NTM: variants seen among roughly 807,000 people sequenced by gnomAD.
NTM encodes neurotrimin.
Under a neutral mutation model 42.1 loss-of-function variants are expected in NTM, and 13 were observed. The ratio of observed to expected loss-of-function variants is 0.31; its 90% CI spans 0.20 to 0.49. NTM has a LOEUF of 0.49. NTM is among the 20% of genes least tolerant of loss of function. The pLI, the probability that NTM is intolerant of heterozygous loss-of-function variation, is 0.99. For synonymous variants in NTM, 187 were observed against 179.2 expected (o/e 1.04, Z -0.35); for missense variants, 373 against 452.8 (o/e 0.82, Z 1.60).
chr11:131,976,180 C>T (rs2064355864), intron 2 of NTM, among the ~76,000 whole-genome samples: 1 of 146,586 alleles, frequency 6.8e-6, no homozygotes, highest in South Asian at 2.3e-4. Flanking sequence ...TCCTTTCTTC[C>T]TTTCTTCTTC....
chr11:132,280,598 G>A (rs1206860737), intron 4 of NTM, among the ~76,000 whole-genome samples: 1 of 146,300 alleles, frequency 6.8e-6, no homozygotes, highest in Non-Finnish European at 1.5e-5. Context: ...CGATTCTCCT[G>A]TCTCAGCCTC....
At position 132,336,678 on chromosome 11, in the gene NTM, T is replaced by A. The variant is rs1020204330; in HGVS notation, c.*1532T>A. On this transcript the variant is annotated 3_prime_UTR_variant, in exon 9 of 9. Transcript: ENST00000683400. The stretch of plus-strand genomic sequence containing the variant: ...ATGCAATTTTTAGGTAATCTTTTTT[T>A]TTTTTCCCCTCCCCTGAAAGTCTGG... 7 of 152,484 alleles carry A rather than the reference T, an allele frequency of 4.6e-5. No homozygotes were observed. The highest frequency in any genetic ancestry group is 1.7e-4 in the African/African-American group (7 of 41,432). The allele number at this position is 152,484 out of a possible 1,614,324, so 9.4% of individuals were successfully genotyped here.
Position 131,401,816 on chromosome 11 carries a change from A to ATATATATATATATATGTG in NTM, c.82+30943_82+30944insGTGTATATATATATATAT, listed in dbSNP as rs1565465266. ...CCACTGGAAATATATATATATATATATATATATATATATATATATATATAT... is the reference window on the plus strand; with the variant it reads ...CCACTGGAAATATATATATATATATATATATATATATATATGTGTATATATATATATATATATATATAT... On this transcript the variant is annotated intron_variant, in intron 1 of 8. Transcript: ENST00000683400. 1.6e-3 allele frequency among the ~76,000 whole-genome samples: 54 copies of ATATATATATATATATGTG among 33,260 alleles called. 1 individual carries two copies. The highest frequency in any genetic ancestry group is 5.6e-3 in the South Asian group (5 of 888). The allele number at this position is 33,260 out of a possible 152,430, so 21.8% of individuals were successfully genotyped here. A position where few individuals can be genotyped will look rare whatever the true frequency, so the allele number is the denominator to read the frequency against.
At chr11:131,771,226 T>G (rs2086041191) in intron 1 of NTM, 1 of 152,204 alleles carries the variant, frequency 6.6e-6, no homozygotes, top group Non-Finnish European at 1.5e-5. Context: ...ATTATGTTAT[T>G]CTTGTTCATG....
chr11:132,126,778 C>G (rs180813592), intron 2 of NTM, among the ~76,000 whole-genome samples: 1 of 152,064 alleles, frequency 6.6e-6, no homozygotes, highest in Admixed American at 6.6e-5. Context: ...TGCCTTTTTC[C>G]GATTTGTGCT....
At chr11:131,409,074 G>A (rs1048617203) in intron 1 of NTM, among the ~76,000 whole-genome samples, 10 of 152,202 alleles carry the variant, frequency 6.6e-5, no homozygotes, top group African/African-American at 2.2e-4. Context: ...AAAGCTGTCA[G>A]GGCCTACATA....
chr11:131,789,536 GAAGAAGAAGA>G lies in NTM; in HGVS notation c.83-122025_83-122016del, dbSNP rs1565551727. On this transcript the variant is annotated intron_variant, in intron 1 of 8. Transcript: ENST00000683400. ...AGAAGAAGAAGAAGAAGAAGAAGAA[GAAGAAGAAGA>G]AAAGAAGAAGAAGAAGAAGAAGAAG... Among the ~76,000 whole-genome samples the G allele has an allele frequency of 4.3e-4, 10 of 23,452 alleles. 3 individuals are homozygous for G. The highest frequency in any genetic ancestry group is 2.5e-3 in the South Asian group (2 of 812). 15.4% of individuals were successfully genotyped at this position (23,452 alleles called of 152,430 possible).
chr11:131,694,861 A>G (rs1027574128), intron 1 of NTM, among the ~76,000 whole-genome samples: 3 of 152,150 alleles, frequency 2.0e-5, no homozygotes, highest in African/African-American at 7.2e-5. Flanking sequence ...ATCAGCTGAC[A>G]ATGTAGGAAT....
At chr11:131,598,639 C>T (rs1565684671) in intron 1 of NTM, among the ~76,000 whole-genome samples, 2 of 152,178 alleles carry the variant, frequency 1.3e-5, no homozygotes, top group South Asian at 2.1e-4. Context: ...TGGCTTCCAC[C>T]AGCACTACAG....
intron 2 of NTM, among the ~76,000 whole-genome samples, chr11:131,981,921 A>G (rs188545360): frequency 2.1e-4 from 32 of 152,256 alleles, no homozygotes; most frequent in African/African-American, 7.2e-4. Context: ...CTGAGGCAGG[A>G]TAATTGCTTG....
At chr11:131,809,985 T>TA (rs2092672346) in intron 1 of NTM, among the ~76,000 whole-genome samples, 1 of 152,204 alleles carries the variant, frequency 6.6e-6, no homozygotes, top group South Asian at 2.1e-4. Flanking sequence ...TTATCACTCT[T>TA]TCCTTTAAAT....
intron 1 of NTM, among the ~76,000 whole-genome samples, chr11:131,503,527 A>ATTT (rs34452341): frequency 0.05 from 7,367 of 146,016 alleles, 590 homozygotes; most frequent in African/African-American, 0.17. Context: ...TGAGGTTACA[A>ATTT]TTTTTTTTTT....
At chr11:132,041,687 A>G (rs973381800) in intron 2 of NTM, among the ~76,000 whole-genome samples, 1 of 152,208 alleles carries the variant, frequency 6.6e-6, no homozygotes, top group Admixed American at 6.5e-5. Flanking sequence ...TGATGACAGC[A>G]TCTGGGTCAG....
At chr11:132,132,038 G>C (rs1475774212) in intron 2 of NTM, among the ~76,000 whole-genome samples, 2 of 152,222 alleles carry the variant, frequency 1.3e-5, no homozygotes, top group African/African-American at 2.4e-5. Context: ...AAAGGACTTA[G>C]ATAATTATTT....
intron 3 of NTM, among the ~76,000 whole-genome samples, chr11:132,195,935 C>T (rs1414115415): frequency 6.6e-6 from 1 of 152,122 alleles, no homozygotes; most frequent in Non-Finnish European, 1.5e-5. Flanking sequence ...GCAATAGCAA[C>T]AGAGCCCCAA....
intron 2 of NTM, among the ~76,000 whole-genome samples, chr11:132,048,818 C>CTTTTTTTTTTTTT (rs10563617): frequency 7.5e-6 from 1 of 133,000 alleles, no homozygotes; most frequent in Non-Finnish European, 1.6e-5. Flanking sequence ...TTTCTTTTTT[C>CTTTTTTTTTTTTT]TTTTTTTTTT....
At chr11:132,120,962 T>C (rs1252809823) in intron 2 of NTM, among the ~76,000 whole-genome samples, 1 of 152,200 alleles carries the variant, frequency 6.6e-6, no homozygotes, top group South Asian at 2.1e-4. Context: ...ACACTCGTGA[T>C]TTTTCCATGA....
Position 131,800,517 on chromosome 11 carries a change from A to G in NTM, c.83-111047A>G, listed in dbSNP as rs115406466. 5.1e-3 allele frequency among the ~76,000 whole-genome samples: 773 copies of G among 152,354 alleles called. 8 individuals are homozygous for G. The highest frequency in any genetic ancestry group is 0.018 in the African/African-American group (739 of 41,578). ...CATATAGGCTAAAGAAATTGCATGAATACATATCGCTTTGTTTAAATAACA... is the reference window on the plus strand; with the variant it reads ...CATATAGGCTAAAGAAATTGCATGAGTACATATCGCTTTGTTTAAATAACA... On this transcript the variant is annotated intron_variant, in intron 1 of 8. Coordinates refer to ENST00000683400, the MANE Select transcript of NTM (RefSeq NM_001352005.2).
At chr11:132,289,578 C>A (rs1382569526) in intron 4 of NTM, among the ~76,000 whole-genome samples, 1 of 152,300 alleles carries the variant, frequency 6.6e-6, no homozygotes. Flanking sequence ...CCTGCCATAA[C>A]CTTAATGTTA....
Sources: allele counts gnomAD v4.1 joint callset (sites outside exome capture counted in the v4.1 genomes callset), GRCh38; gene constraint gnomAD v4.1.1; transcripts MANE v1.5; gene names NCBI Gene and HGNC (gene_info 2026-07-23, HGNC 2026-07-21).